HDHD5: variants seen among roughly 807,000 people sequenced by gnomAD.
HDHD5 encodes haloacid dehalogenase like hydrolase domain containing 5, also known as haloacid dehalogenase-like hydrolase domain-containing 5.
A neutral mutation model predicts 35.5 loss-of-function variants in HDHD5; 34 were observed. The observed-to-expected ratio is 0.96, with a 90% CI of 0.73 to 1.28. HDHD5 has a LOEUF of 1.28. Among genes scored for constraint, HDHD5 ranks in the 50% most tolerant of loss-of-function variants. The pLI is 0.00. For synonymous variants in HDHD5, 248 were observed against 240.6 expected (o/e 1.03, Z -0.29); for missense variants, 589 against 560.2 (o/e 1.05, Z -0.52).
upstream of HDHD5, among the ~76,000 whole-genome samples, chr22:17,160,378 C>T (rs1334335224): frequency 6.6e-6 from 1 of 151,926 alleles, no homozygotes; most frequent in African/African-American, 2.4e-5. Context: ...GGGCCGGGTG[C>T]GGTGGCTCAC....
chr22:17,138,204 T>C lies in HDHD5; in HGVS notation c.1089A>G (p.Thr363=). Reference sequence around the variant, plus strand: ...GTGGGTTCCTGGGATTGTAGACGCCTGTACACACCAGGATGGAGATGCAGC... The same window carrying C: ...GTGGGTTCCTGGGATTGTAGACGCCCGTACACACCAGGATGGAGATGCAGC... The part of the protein sequence containing the change: ...SQSCISILVC[T]GVYNPRNPQS... Residue 363 remains threonine (T), a synonymous_variant, in exon 8 of 8, where the codon ACA becomes ACG. Transcript: ENST00000336737. The C allele has an allele frequency of 6.2e-7, 1 of 1,614,160 alleles. No homozygotes were observed. Among genetic ancestry groups the C allele is most frequent in the Non-Finnish European group, 8.5e-7 (1 of 1,180,030 alleles).
intron 1 of HDHD5, among the ~76,000 whole-genome samples, chr22:17,151,678 C>G (rs534593241): frequency 2.8e-5 from 4 of 143,008 alleles, no homozygotes; most frequent in Non-Finnish European, 6.0e-5. Flanking sequence ...TGCAGTGAGC[C>G]GGGATCGTGC....
intron 1 of HDHD5, among the ~76,000 whole-genome samples, chr22:17,156,656 C>T (rs1454169838): frequency 6.6e-6 from 1 of 151,208 alleles, no homozygotes; most frequent in Non-Finnish European, 1.5e-5. Context: ...GGCACCTATA[C>T]TCCCAGTTAC....
chr22:17,152,834 G>C (rs1401387216), intron 1 of HDHD5, among the ~76,000 whole-genome samples: 2 of 152,040 alleles, frequency 1.3e-5, no homozygotes, highest in African/African-American at 4.8e-5. Flanking sequence ...TCTTTCCACT[G>C]AACAGGCAAG....
intron 3 of HDHD5, among the ~76,000 whole-genome samples, chr22:17,147,355 G>A (rs1303607280): frequency 1.5e-4 from 11 of 75,252 alleles, no homozygotes; most frequent in African/African-American, 4.1e-4. Context: ...CACACCTGTG[G>A]CGCACTCCTG....
upstream of HDHD5, among the ~76,000 whole-genome samples, chr22:17,162,372 G>A (rs118138475): frequency 2.0e-5 from 3 of 152,212 alleles, no homozygotes; most frequent in African/African-American, 7.2e-5. Flanking sequence ...AATATTCTTG[G>A]TGATCAGGAC....
chr22:17,147,742 C>T (rs557702323), intron 3 of HDHD5, among the ~76,000 whole-genome samples: 1 of 149,076 alleles, frequency 6.7e-6, no homozygotes, highest in East Asian at 2.0e-4. Context: ...TGTGAGCTTA[C>T]CGGCCTTCGA....
intron 3 of HDHD5, 174 bp from the exon 4 acceptor site, chr22:17,145,291 G>GT (rs1437743759): frequency 1.5e-4 from 95 of 637,510 alleles, no homozygotes; most frequent in Non-Finnish European, 1.8e-4. Flanking sequence ...CAGGCAGGCT[G>GT]TAACTGCACA....
chr22:17,157,171 C>T (rs938308070), intron 1 of HDHD5, among the ~76,000 whole-genome samples: 14 of 149,888 alleles, frequency 9.3e-5, no homozygotes, highest in Non-Finnish European at 1.9e-4. Context: ...TACAGCTGTA[C>T]AATGTGTTGT....
chr22:17,163,326 G>A (rs190422793), upstream of HDHD5, among the ~76,000 whole-genome samples: 41 of 152,246 alleles, frequency 2.7e-4, no homozygotes, highest in East Asian at 7.5e-3. Context: ...TCTCTAACTT[G>A]AGCATCCATC....
chr22:17,159,796 C>G, upstream of HDHD5: 1 of 281,942 alleles, frequency 3.5e-6, no homozygotes, highest in South Asian at 2.8e-5. Context: ...AGTCCGCCCC[C>G]GCGCGCACTG....
At chr22:17,157,116 A>C (rs2061805716) in intron 1 of HDHD5, among the ~76,000 whole-genome samples, 2 of 151,686 alleles carry the variant, frequency 1.3e-5, no homozygotes, top group Admixed American at 1.3e-4. Context: ...ACACACACAA[A>C]AGAAAAAAGC....
chr22:17,159,278 G>A (rs1413354517), upstream of HDHD5: 2 of 1,205,760 alleles, frequency 1.7e-6, no homozygotes, highest in Non-Finnish European at 2.1e-6. Flanking sequence ...GCACGTGCAC[G>A]GCGTGCGGCC....
chr22:17,154,153 C>T lies in HDHD5; in HGVS notation c.127-4408G>A, dbSNP rs1178830082. On this transcript the variant is annotated intron_variant, in intron 1 of 7. Coordinates refer to ENST00000336737, the MANE Select transcript of HDHD5 (RefSeq NM_033070.3). Reference sequence around the variant, plus strand: ...CTGGGATTACAGGCGTGAGCCACCGCGCCCAGCCAACAATTTTTTTAAGAA... The same window carrying T: ...CTGGGATTACAGGCGTGAGCCACCGTGCCCAGCCAACAATTTTTTTAAGAA... Among the ~76,000 whole-genome samples, 4 of 150,786 alleles carry T rather than the reference C, an allele frequency of 2.7e-5. 1 individual carries two copies. Among genetic ancestry groups the T allele is most frequent in the African/African-American group, 9.8e-5 (4 of 40,856 alleles).
At chr22:17,140,735 G>A (rs1188650169) in intron 6 of HDHD5, among the ~76,000 whole-genome samples, 1 of 152,184 alleles carries the variant, frequency 6.6e-6, no homozygotes, top group Non-Finnish European at 1.5e-5. Flanking sequence ...GCACAGATAC[G>A]GTACAAAAAG....
intron 1 of HDHD5, among the ~76,000 whole-genome samples, chr22:17,157,115 A>ACACACACACACACACACACAC (rs1244963563): frequency 1.2e-4 from 10 of 80,958 alleles, no homozygotes; most frequent in Non-Finnish European, 2.1e-4. Context: ...CACACACACA[A>ACACACACACACACACACACAC]AAGAAAAAAG....
intron 1 of HDHD5, 170 bp downstream of exon 1, chr22:17,158,956 G>C: frequency 1.8e-6 from 1 of 541,834 alleles, no homozygotes; most frequent in Non-Finnish European, 2.6e-6. Flanking sequence ...GAGGAAGGCA[G>C]GGCGCATCCG....
At position 17,157,076 on chromosome 22, in the gene HDHD5, T is replaced by TCACACACACACACACACACACA. The variant is rs779244919; in HGVS notation, c.126+2049_126+2050insTGTGTGTGTGTGTGTGTGTGTG. 4.1e-3 allele frequency among the ~76,000 whole-genome samples: 231 copies of TCACACACACACACACACACACA among 56,128 alleles called. 3 individuals are homozygous for TCACACACACACACACACACACA. Among genetic ancestry groups the TCACACACACACACACACACACA allele is most frequent in the Admixed American group, 0.01 (59 of 5,778 alleles). 36.8% of individuals were successfully genotyped at this position (56,128 alleles called of 152,430 possible). On this transcript the variant is annotated intron_variant, in intron 1 of 7. Transcript: ENST00000336737. Reference sequence around the variant, plus strand: ...CCGGGCAACAGAGCTAGACACCGTCTCACACACATACACACACACACACAC... The same window carrying TCACACACACACACACACACACA: ...CCGGGCAACAGAGCTAGACACCGTCTCACACACACACACACACACACACACACACATACACACACACACACAC...
chr22:17,147,460 C>T lies in HDHD5; in HGVS notation c.443+988G>A, dbSNP rs112640724. 4.4e-3 allele frequency among the ~76,000 whole-genome samples: 545 copies of T among 124,680 alleles called. 28 individuals are homozygous for T. Among genetic ancestry groups the T allele is most frequent in the African/African-American group, 0.02 (514 of 26,292 alleles). 81.8% of individuals were successfully genotyped at this position (124,680 alleles called of 152,430 possible). ...ACCGGCCTTCACATGCCATCGCACACGCTCCACACCTGTGGCACACTCCTG... is the reference window on the plus strand; with the variant it reads ...ACCGGCCTTCACATGCCATCGCACATGCTCCACACCTGTGGCACACTCCTG... On this transcript the variant is annotated intron_variant, in intron 3 of 7. Transcript: ENST00000336737.
Sources: gnomAD v4.1 joint callset for allele counts (sites outside exome capture counted in the v4.1 genomes callset) on GRCh38, gnomAD v4.1.1 for gene constraint, MANE v1.5 for transcripts, NCBI Gene and HGNC (gene_info 2026-07-23, HGNC 2026-07-21) for gene names.